ANXA10: variants seen among roughly 807,000 people sequenced by gnomAD.
ANXA10 encodes the protein annexin 14.
In ANXA10, 49 loss-of-function variants were observed where a neutral mutation model predicts 53.5. The ratio of observed to expected loss-of-function variants is 0.92; its 90% CI spans 0.73 to 1.16. The LOEUF is 1.16. ANXA10 is among the 50% of genes most tolerant of loss of function. The probability of loss-of-function intolerance (pLI) is 0.00; values close to 1 mark genes in which losing one functional copy is unlikely to be tolerated. For synonymous variants in ANXA10, 131 were observed against 128.9 expected (o/e 1.02, Z -0.11); for missense variants, 393 against 394.4 (o/e 1.00, Z 0.03).
chr4:168,144,929 T>C (rs149591579), intron 3 of ANXA10, among the ~76,000 whole-genome samples: 30 of 152,310 alleles, frequency 2.0e-4, no homozygotes, highest in African/African-American at 7.0e-4. Flanking sequence ...CAGAGTCAGC[T>C]GTACAGGAGA....
intron 3 of ANXA10, among the ~76,000 whole-genome samples, chr4:168,150,349 A>G (rs1731476544): frequency 6.6e-6 from 1 of 152,222 alleles, no homozygotes; most frequent in African/African-American, 2.4e-5. Flanking sequence ...AAGCTATTCG[A>G]AAGAATATTC....
At chr4:168,145,156 C>T (rs1416784546) in intron 3 of ANXA10, among the ~76,000 whole-genome samples, 1 of 152,116 alleles carries the variant, frequency 6.6e-6, no homozygotes, top group African/African-American at 2.4e-5. Context: ...CTGGGTGTTG[C>T]CAGCTAATCC....
At chr4:168,184,706 T>C (rs1161764270) in intron 11 of ANXA10, 25 bp downstream of exon 11, 1 of 1,609,650 alleles carries the variant, frequency 6.2e-7, no homozygotes, top group Admixed American at 1.7e-5. Context: ...CATGATTTAT[T>C]TGGACCCACA....
chr4:168,181,822 A>C, intron 10 of ANXA10, 81 bp downstream of exon 10: 1 of 1,065,240 alleles, frequency 9.4e-7, no homozygotes, highest in Non-Finnish European at 1.4e-6. Flanking sequence ...TCCATCATTT[A>C]AATGTTCATT....
intron 2 of ANXA10, among the ~76,000 whole-genome samples, chr4:168,134,125 G>A (rs1284305921): frequency 1.3e-5 from 2 of 151,946 alleles, no homozygotes; most frequent in East Asian, 3.9e-4. Flanking sequence ...TATGTGTTAG[G>A]AAATAAAACA....
At chr4:168,137,169 T>A (rs190216607) in intron 2 of ANXA10, among the ~76,000 whole-genome samples, 1 of 152,340 alleles carries the variant, frequency 6.6e-6, no homozygotes, top group East Asian at 1.9e-4. Context: ...ATTTAAACAC[T>A]AATCAGCTTA....
At chr4:168,156,305 T>G (rs1274341829) in intron 3 of ANXA10, among the ~76,000 whole-genome samples, 1 of 15,110 alleles carries the variant, frequency 6.6e-5, no homozygotes, top group Non-Finnish European at 1.2e-4. Flanking sequence ...ATATTATATA[T>G]AATAGTATAT....
intron 6 of ANXA10, 129 bp from the exon 7 acceptor site, chr4:168,177,611 C>A: frequency 1.2e-6 from 1 of 835,976 alleles, no homozygotes; most frequent in Non-Finnish European, 2.0e-6. Flanking sequence ...GAAATGAACA[C>A]TTACTCCAGA....
Position 168,179,287 on chromosome 4 carries a change from C to T in ANXA10, c.699C>T (p.Tyr233=). 1 of 1,610,876 alleles carries T rather than the reference C, an allele frequency of 6.2e-7. No individual in the cohort carries two copies. The highest frequency in any genetic ancestry group is 8.5e-7 in the Non-Finnish European group (1 of 1,178,200). The change falls in exon 9 of 12, where the codon TAC becomes TAT. Residue 233 remains tyrosine (Y), a synonymous_variant. Coordinates refer to ENST00000359299, the MANE Select transcript of ANXA10 (RefSeq NM_007193.5). ...CCATTAATGAATGTTATGATGGATA[C>T]TTTCAGGAGCTGCTGGTTGCAATTG... is the stretch of plus-strand genomic sequence containing the variant. ...VDAINECYDG[Y]FQELLVAIVL...
chr4:168,172,893 G>A (rs1213845256), intron 6 of ANXA10, among the ~76,000 whole-genome samples: 7 of 151,004 alleles, frequency 4.6e-5, no homozygotes, highest in Non-Finnish European at 2.9e-5. Context: ...GGGTTCAAGC[G>A]ATTCTCCTGC....
intron 6 of ANXA10, among the ~76,000 whole-genome samples, chr4:168,173,932 C>A (rs1479061639): frequency 6.6e-6 from 1 of 152,110 alleles, no homozygotes; most frequent in Non-Finnish European, 1.5e-5. Context: ...CCCCCCCATT[C>A]TGAGCCCATA....
At chr4:168,107,018 G>A (rs1730730334) in intron 1 of ANXA10, among the ~76,000 whole-genome samples, 1 of 152,084 alleles carries the variant, frequency 6.6e-6, no homozygotes, top group Non-Finnish European at 1.5e-5. Context: ...AAGTATGGAG[G>A]GCCTCATGGA....
intron 3 of ANXA10, among the ~76,000 whole-genome samples, chr4:168,156,034 G>C (rs986565502): frequency 1.2e-4 from 2 of 16,866 alleles, no homozygotes; most frequent in Non-Finnish European, 1.8e-4. Context: ...ATTATATATA[G>C]TATTATATTA....
In ANXA10 at chr4:168,179,284, A is replaced by C. The variant is rs1216751995; in HGVS notation, c.696A>C (p.Gly232=). ...MVDAINECYD[G]YFQELLVAIV... ...ATGCCATTAATGAATGTTATGATGG[A>C]TACTTTCAGGAGCTGCTGGTTGCAA... Residue 232 remains glycine, a synonymous_variant, in exon 9 of 12, where the codon GGA becomes GGC. Transcript: ENST00000359299. 1.2e-6 allele frequency: 2 copies of C among 1,611,738 alleles called. No homozygotes were observed. Among genetic ancestry groups the C allele is most frequent in the South Asian group, 2.2e-5 (2 of 90,758 alleles).
chr4:168,099,562 C>A (rs1730608211), intron 1 of ANXA10, among the ~76,000 whole-genome samples: 1 of 152,090 alleles, frequency 6.6e-6, no homozygotes, highest in Admixed American at 6.6e-5. Flanking sequence ...AAGACTTTTT[C>A]ATGTAACAAT....
chr4:168,113,933 C>G (rs992888700), intron 1 of ANXA10, among the ~76,000 whole-genome samples: 13 of 152,060 alleles, frequency 8.5e-5, no homozygotes, highest in African/African-American at 3.1e-4. Flanking sequence ...TACCTTTTGC[C>G]TTTCCTTTAA....
rs1259860045 is a variant in ANXA10 at position 168,155,887 on chromosome 4, TATA to T, written c.196-6637_196-6635del. On this transcript the variant is annotated intron_variant, in intron 3 of 11. Transcript: ENST00000359299. ...GATATATCATATATTATATGTTATA[TATA>T]ATATATGATATATCATATATTATAT... 6.1e-5 allele frequency among the ~76,000 whole-genome samples: 2 copies of T among 32,922 alleles called. 1 individual carries two copies. Among genetic ancestry groups the T allele is most frequent in the East Asian group, 1.1e-3 (2 of 1,802 alleles). The allele number at this position is 32,922 out of a possible 152,430, so 21.6% of individuals were successfully genotyped here.
intron 3 of ANXA10, among the ~76,000 whole-genome samples, chr4:168,142,395 G>T (rs1354408705): frequency 6.6e-6 from 1 of 152,060 alleles, no homozygotes. Flanking sequence ...AACCATGGCT[G>T]CCCCTCACCA....
At chr4:168,147,124 T>C (rs930748499) in intron 3 of ANXA10, among the ~76,000 whole-genome samples, 1 of 152,196 alleles carries the variant, frequency 6.6e-6, no homozygotes, top group Non-Finnish European at 1.5e-5. Context: ...TTCATGTAAA[T>C]GCAAGACACT....
Sources: allele counts gnomAD v4.1 joint callset (sites outside exome capture counted in the v4.1 genomes callset), GRCh38; gene constraint gnomAD v4.1.1; transcripts MANE v1.5; gene names NCBI Gene and HGNC (gene_info 2026-07-23, HGNC 2026-07-21).